Variants in GLP2R observed in about 807,000 individuals in gnomAD.
GLP2R encodes glucagon like peptide 2 receptor, also known as glucagon-like peptide 2 receptor.
GLP2R carries 59 observed loss-of-function variants against 68.2 expected under a neutral mutation model. That is an observed-to-expected ratio of 0.87 (90% CI 0.70 to 1.07). GLP2R has a LOEUF of 1.07. GLP2R is among the 50% of genes least tolerant of loss of function. The pLI is 0.00. For synonymous variants in GLP2R, 270 were observed against 265.4 expected (o/e 1.02, Z -0.17); for missense variants, 548 against 677.4 (o/e 0.81, Z 2.12).
At chr17:9,839,420 C>T (rs548420232) in intron 3 of GLP2R, among the ~76,000 whole-genome samples, 111 of 152,138 alleles carry the variant, frequency 7.3e-4, no homozygotes, top group African/African-American at 2.2e-3. Flanking sequence ...CCTCCTTCTC[C>T]GCCTCTCTTC....
At chr17:9,849,401 A>G (rs1286427665) in intron 4 of GLP2R, among the ~76,000 whole-genome samples, 3 of 152,030 alleles carry the variant, frequency 2.0e-5, no homozygotes, top group Non-Finnish European at 4.4e-5. Flanking sequence ...AACCAAGTAA[A>G]ATTAACAGTG....
chr17:9,870,959 G>T (rs1237826134), intron 10 of GLP2R, 124 bp downstream of exon 10: 2 of 656,854 alleles, frequency 3.0e-6, no homozygotes, highest in Non-Finnish European at 5.5e-6. Context: ...AGCAGTTCTG[G>T]GAAGGTGCTA....
At chr17:9,873,854 C>T (rs1317617744) in intron 10 of GLP2R, among the ~76,000 whole-genome samples, 2 of 152,060 alleles carry the variant, frequency 1.3e-5, no homozygotes, top group Non-Finnish European at 2.9e-5. Flanking sequence ...GGCAGGGAAA[C>T]CACAGAGGGA....
chr17:9,863,420 C>A (rs2067005091), intron 9 of GLP2R, among the ~76,000 whole-genome samples: 1 of 152,180 alleles, frequency 6.6e-6, no homozygotes, highest in South Asian at 2.1e-4. Flanking sequence ...AATTACTTGC[C>A]TAAAATCATA....
chr17:9,832,431 G>A (rs1167237378), intron 1 of GLP2R, among the ~76,000 whole-genome samples: 1 of 152,148 alleles, frequency 6.6e-6, no homozygotes. Context: ...AAATTAGCCA[G>A]CCACGCCTGT....
At chr17:9,844,668 CTTTTTTTTTTTTTTTTTTTTTTTTTTT>C (rs71139004) in intron 4 of GLP2R, among the ~76,000 whole-genome samples, 2,258 of 44,406 alleles carry the variant, frequency 0.051, 132 homozygotes, top group African/African-American at 0.15. Flanking sequence ...CTACCTAATT[CTTTTTTTTTTTTTTTTTTTTTTTTTTT>C]TTTTTTTTTT....
In GLP2R at chr17:9,848,867, T is replaced by TTGTGTGTGTGTGTG. The variant is rs144324194; in HGVS notation, c.505-5613_505-5600dup. On this transcript the variant is annotated intron_variant, in intron 4 of 12. Coordinates refer to ENST00000262441, the MANE Select transcript of GLP2R (RefSeq NM_004246.3). The stretch of plus-strand genomic sequence containing the variant: ...TGTTAAATGGCACTTTTAAAGGAGA[T>TTGTGTGTGTGTGTG]TGTGTGTGTGTGTGTGTGTGTGTGT... 6.3e-3 allele frequency among the ~76,000 whole-genome samples: 872 copies of TTGTGTGTGTGTGTG among 139,376 alleles called. 11 individuals are homozygous for TTGTGTGTGTGTGTG. The highest frequency in any genetic ancestry group is 0.021 in the African/African-American group (819 of 38,192). 91.4% of individuals were successfully genotyped at this position (139,376 alleles called of 152,430 possible).
At chr17:9,873,163 G>T (rs1224774018) in intron 10 of GLP2R, among the ~76,000 whole-genome samples, 1 of 152,168 alleles carries the variant, frequency 6.6e-6, no homozygotes, top group Non-Finnish European at 1.5e-5. Flanking sequence ...TCAGGGAGGA[G>T]AGTTCTCTCA....
chr17:9,827,250 A>G (rs1432526874), intron 1 of GLP2R, among the ~76,000 whole-genome samples: 3 of 152,182 alleles, frequency 2.0e-5, no homozygotes, highest in Non-Finnish European at 4.4e-5. Flanking sequence ...ATAACAAAAT[A>G]CACTAATAAC....
intron 3 of GLP2R, among the ~76,000 whole-genome samples, chr17:9,839,630 C>T (rs2066766180): frequency 1.3e-5 from 2 of 152,154 alleles, no homozygotes; most frequent in African/African-American, 4.8e-5. Flanking sequence ...TTTGGAAAAG[C>T]TTTCTAAAAT....
chr17:9,865,787 A>G (rs779171282), intron 9 of GLP2R: 1 of 470,426 alleles, frequency 2.1e-6, no homozygotes, highest in African/African-American at 2.0e-5. Context: ...AATCACCCTC[A>G]GCTCTTAGAG....
Position 9,861,923 on chromosome 17 carries a change from G to A in GLP2R, c.987-98G>A, listed in dbSNP as rs967214322. ...GACTGATTGGTGGGAAGTAGGGCTT[G>A]AGTGCAAGCATCCTTCTTCCAGAGA... On this transcript the variant is annotated intron_variant, in intron 8 of 12. Coordinates refer to ENST00000262441, the MANE Select transcript of GLP2R (RefSeq NM_004246.3). 9 of 849,752 alleles carry A rather than the reference G, an allele frequency of 1.1e-5. No individual in the cohort carries two copies. In the South Asian group the frequency reaches 1.1e-4, roughly 11 times the overall value. The allele number at this position is 849,752 out of a possible 1,614,324, so 52.6% of individuals were successfully genotyped here.
intron 4 of GLP2R, among the ~76,000 whole-genome samples, chr17:9,846,457 T>A (rs9903703): frequency 0.51 from 77,823 of 151,758 alleles, 20,722 homozygotes; most frequent in Middle Eastern, 0.63. Context: ...CTCTAAAAAA[T>A]CAATACAAAA....
intron 4 of GLP2R, among the ~76,000 whole-genome samples, chr17:9,853,630 ATTT>A (rs1410565880): frequency 2.0e-5 from 3 of 152,286 alleles, no homozygotes; most frequent in South Asian, 4.2e-4. Context: ...GGATACAATA[ATTT>A]TTTTAAAAGA....
intron 6 of GLP2R, 63 bp from the exon 7 acceptor site, chr17:9,859,879 C>G: frequency 7.8e-7 from 1 of 1,284,662 alleles, no homozygotes; most frequent in Non-Finnish European, 1.0e-6. Flanking sequence ...GGCCCTTCTC[C>G]CCCGACTCGG....
chr17:9,860,258 C>A (rs2272034), intron 7 of GLP2R, among the ~76,000 whole-genome samples, 157 bp downstream of exon 7: 42,319 of 152,152 alleles, frequency 0.28, 9,761 homozygotes, highest in African/African-American at 0.62. Flanking sequence ...TATGTGTGTG[C>A]ACACAAATGC....
At chr17:9,869,571 G>T (rs1409592742) in intron 9 of GLP2R, among the ~76,000 whole-genome samples, 1 of 152,258 alleles carries the variant, frequency 6.6e-6, no homozygotes, top group Admixed American at 6.5e-5. Flanking sequence ...CTTGGCTGGG[G>T]CTGGAGGATC....
At chr17:9,833,950 C>T (rs971446636) in intron 2 of GLP2R, 56 bp downstream of exon 2, 34 of 1,073,968 alleles carry the variant, frequency 3.2e-5, no homozygotes, top group Middle Eastern at 2.1e-4. Flanking sequence ...CAAAGCTTAG[C>T]GGCTCAAAAC....
chr17:9,833,271 AAAAGAAAG>A (rs534704361), intron 1 of GLP2R, among the ~76,000 whole-genome samples: 11 of 151,768 alleles, frequency 7.2e-5, no homozygotes, highest in African/African-American at 1.7e-4. Context: ...TTAAAAAAAA[AAAAGAAAG>A]AAAGAAAGAA....
Sources: gnomAD v4.1 joint callset for allele counts (sites outside exome capture counted in the v4.1 genomes callset) on GRCh38, gnomAD v4.1.1 for gene constraint, MANE v1.5 for transcripts, NCBI Gene and HGNC (gene_info 2026-07-23, HGNC 2026-07-21) for gene names.